The following TMEM131 variants were observed in gnomAD, a reference collection of about 807,000 sequenced individuals.
The protein encoded by TMEM131 is transmembrane protein 131.
In TMEM131, 66 loss-of-function variants were observed where a neutral mutation model predicts 211.6. That is an observed-to-expected ratio of 0.31 (90% CI 0.26 to 0.38). The LOEUF (loss-of-function observed/expected upper bound fraction) is 0.38, where lower values mean the gene tolerates loss of function less well. Among genes scored for constraint, TMEM131 ranks in the 10% least tolerant of loss-of-function variants. The probability of loss-of-function intolerance (pLI) is 1.00; values close to 1 mark genes in which losing one functional copy is unlikely to be tolerated. For synonymous variants in TMEM131, 844 were observed against 841.3 expected (o/e 1.00, Z -0.06); for missense variants, 2,036 against 2,299.3 (o/e 0.89, Z 2.34).
At chr2:97,841,404 T>C (rs1418773813) in intron 7 of TMEM131, among the ~76,000 whole-genome samples, 1 of 152,256 alleles carries the variant, frequency 6.6e-6, no homozygotes, top group African/African-American at 2.4e-5. Flanking sequence ...TTTTAATTTC[T>C]AGGTTGCCAT....
chr2:97,911,835 C>T (rs1017462588), intron 2 of TMEM131, among the ~76,000 whole-genome samples: 7 of 152,260 alleles, frequency 4.6e-5, no homozygotes, highest in Middle Eastern at 3.4e-3. Flanking sequence ...ACAATAGACA[C>T]TATTTTGTTT....
At chr2:97,811,944 A>C (rs1681567122) in intron 17 of TMEM131, among the ~76,000 whole-genome samples, 1 of 152,228 alleles carries the variant, frequency 6.6e-6, no homozygotes, top group African/African-American at 2.4e-5. Context: ...ACCAACTGTA[A>C]CATGTTTATT....
chr2:97,775,938 G>A lies in TMEM131; in HGVS notation c.4225C>T (p.Gln1409Ter), dbSNP rs1679701814. The A allele has an allele frequency of 6.2e-7, 1 of 1,613,868 alleles. No individual in the cohort carries two copies. Among genetic ancestry groups the A allele is most frequent in the African/African-American group, 1.3e-5 (1 of 74,910 alleles). Residue 1409 changes from glutamine (Q) to a stop codon, truncating the protein, a stop_gained, in exon 32 of 41, where the codon CAG (glutamine) becomes TAG (stop). Coordinates refer to ENST00000186436, the MANE Select transcript of TMEM131 (RefSeq NM_015348.2). LOFTEE classifies it high-confidence loss of function. ...AAAGAGTCCTTCAGCTCATCTTCCT[G>A]TGGCTTTCCCTTTCCCTTCTTCTCC... ...EKEKKGKGKP[Q>*]EDELKDSLAD... is the part of the protein sequence containing the mutation.
intron 31 of TMEM131, among the ~76,000 whole-genome samples, chr2:97,784,514 G>A (rs1680160155): frequency 6.6e-6 from 1 of 151,904 alleles, no homozygotes; most frequent in Non-Finnish European, 1.5e-5. Context: ...TTATTCATGG[G>A]TCACAGAAAG....
At chr2:97,870,694 TG>T (rs932640091) in intron 4 of TMEM131, among the ~76,000 whole-genome samples, 9 of 152,162 alleles carry the variant, frequency 5.9e-5, no homozygotes, top group Non-Finnish European at 1.2e-4. Context: ...GCTGAAGAAA[TG>T]GCTTAGCAAC....
rs542585262 is a variant in TMEM131, at chr2:97,925,578, G to A, written c.249+1848C>T. Among the ~76,000 whole-genome samples, 6 of 152,306 alleles carry A rather than the reference G, an allele frequency of 3.9e-5. No individual in the cohort carries two copies. The East Asian group carries it at 1.2e-3, about 29-fold the overall frequency. Reference sequence around the variant, plus strand: ...AAGTGCAAACCCATGGAATATCTGAGAGCACTGCACATGCATCGTGCCGTG... The same window carrying A: ...AAGTGCAAACCCATGGAATATCTGAAAGCACTGCACATGCATCGTGCCGTG... On this transcript the variant is annotated intron_variant, in intron 2 of 40. Coordinates refer to ENST00000186436, the MANE Select transcript of TMEM131 (RefSeq NM_015348.2).
At chr2:97,792,241 T>C (rs1046178069) in intron 31 of TMEM131, 145 bp downstream of exon 31, 22 of 605,572 alleles carry the variant, frequency 3.6e-5, no homozygotes, top group Admixed American at 1.8e-4. Flanking sequence ...TATGGAAAAG[T>C]TGAAGTCCAA....
chr2:97,787,939 A>G (rs748291563), intron 31 of TMEM131, among the ~76,000 whole-genome samples: 5 of 151,968 alleles, frequency 3.3e-5, no homozygotes, highest in Non-Finnish European at 5.9e-5. Context: ...TGCTCCCACC[A>G]TCCTCGAAAT....
At chr2:97,947,147 G>T (rs951632530) in intron 1 of TMEM131, among the ~76,000 whole-genome samples, 2 of 151,990 alleles carry the variant, frequency 1.3e-5, no homozygotes, top group Middle Eastern at 3.4e-3. Context: ...TTTAAGATTA[G>T]AACAAGGTAA....
rs1679369997 is a variant in TMEM131, at chr2:97,972,918, CAGAA to C, written c.187+22554_187+22557del. ...CCAACAAATTCTCCCCTAGGGCCTT[CAGAA>C]AGAAATACAGTCCTACAAACACATA... On this transcript the variant is annotated intron_variant, in intron 1 of 40. Coordinates refer to ENST00000186436, the MANE Select transcript of TMEM131 (RefSeq NM_015348.2). Among the ~76,000 whole-genome samples the C allele has an allele frequency of 6.6e-5, 10 of 152,238 alleles. No individual in the cohort carries two copies. The South Asian group carries it at 2.1e-3, about 32-fold the overall frequency.
intron 3 of TMEM131, chr2:97,907,375 ATTAT>A (rs1040626070): frequency 5.3e-5 from 8 of 152,230 alleles, no homozygotes; most frequent in Non-Finnish European, 1.0e-4. Flanking sequence ...AAGAATTTTC[ATTAT>A]TTATGAGGTA....
At chr2:97,799,549 A>T (rs1043591578) in intron 25 of TMEM131, among the ~76,000 whole-genome samples, 4 of 152,244 alleles carry the variant, frequency 2.6e-5, no homozygotes, top group Admixed American at 2.0e-4. Context: ...TTTGTTTCTA[A>T]TAAAATTCAA....
intron 1 of TMEM131, among the ~76,000 whole-genome samples, chr2:97,929,385 A>G (rs535024474): frequency 6.6e-6 from 1 of 151,904 alleles, no homozygotes; most frequent in South Asian, 2.1e-4. Context: ...CAACTTTCAC[A>G]TGCAGAATTT....
At chr2:97,941,054 C>T (rs1677703099) in intron 1 of TMEM131, among the ~76,000 whole-genome samples, 5 of 152,128 alleles carry the variant, frequency 3.3e-5, no homozygotes, top group Admixed American at 2.6e-4. Flanking sequence ...GGAGGCATCA[C>T]ACTACCTGAC....
chr2:97,938,155 C>G (rs1045251911), intron 1 of TMEM131, among the ~76,000 whole-genome samples: 3 of 152,184 alleles, frequency 2.0e-5, no homozygotes, highest in Non-Finnish European at 4.4e-5. Flanking sequence ...ATCATAATGA[C>G]AGGATCAAAT....
At chr2:97,773,002 GGCAGTA>G (rs1679539216) in intron 32 of TMEM131, among the ~76,000 whole-genome samples, 1 of 152,228 alleles carries the variant, frequency 6.6e-6, no homozygotes. Context: ...TGGTGGCAGT[GGCAGTA>G]GCAAATTGGT....
chr2:97,845,177 GA>G (rs1349440903), intron 5 of TMEM131, among the ~76,000 whole-genome samples: 3 of 152,046 alleles, frequency 2.0e-5, no homozygotes, highest in African/African-American at 7.2e-5. Context: ...ATCACAGAGT[GA>G]GATTATCAAC....
chr2:97,927,885 C>T (rs928752984), intron 1 of TMEM131, among the ~76,000 whole-genome samples: 11 of 152,082 alleles, frequency 7.2e-5, no homozygotes, highest in East Asian at 1.9e-4. Flanking sequence ...AGCTGAAATT[C>T]GGTATCATCT....
intron 10 of TMEM131, 37 bp from the exon 11 acceptor site, chr2:97,833,463 G>C: frequency 1.9e-6 from 2 of 1,042,552 alleles, no homozygotes; most frequent in Non-Finnish European, 2.8e-6. Context: ...TTCTTAAAAA[G>C]GTGCTTTTTA....
Sources: gnomAD v4.1 joint callset for allele counts (sites outside exome capture counted in the v4.1 genomes callset) on GRCh38, gnomAD v4.1.1 for gene constraint, MANE v1.5 for transcripts, NCBI Gene and HGNC (gene_info 2026-07-23, HGNC 2026-07-21) for gene names.